Variants in ZNF407 observed in about 807,000 individuals in gnomAD.
ZNF407 encodes zinc finger protein 407.
ZNF407 carries 17 observed loss-of-function variants against 131.2 expected under a neutral mutation model. The observed-to-expected ratio is 0.13, with a 90% CI of 0.09 to 0.19. ZNF407 has a LOEUF of 0.19. Ranked by LOEUF, ZNF407 falls within the 10% of genes least tolerant of loss-of-function variation. The probability of loss-of-function intolerance (pLI) is 1.00; values close to 1 mark genes in which losing one functional copy is unlikely to be tolerated. For missense variants in ZNF407, 2,681 were observed against 2,830.6 expected, an observed-to-expected ratio of 0.95 and a Z score of 1.20; for synonymous variants, 1,156 against 1,062.0, an observed-to-expected ratio of 1.09 and a Z score of -1.72.
At chr18:75,046,609 G>A (rs1031103) in intron 8 of ZNF407, among the ~76,000 whole-genome samples, 116,261 of 152,064 alleles carry the variant, frequency 0.76, 45,606 homozygotes, top group East Asian at 0.9. Flanking sequence ...CACCCGAACC[G>A]AGGGGTCCTG....
chr18:75,005,879 A>G (rs1389767024), intron 8 of ZNF407, among the ~76,000 whole-genome samples: 1 of 151,736 alleles, frequency 6.6e-6, no homozygotes, highest in African/African-American at 2.4e-5. Flanking sequence ...CCTGCAACAA[A>G]CCTCAGACTT....
intron 8 of ZNF407, among the ~76,000 whole-genome samples, chr18:74,997,010 G>A (rs926007100): frequency 6.6e-6 from 1 of 152,138 alleles, no homozygotes; most frequent in Non-Finnish European, 1.5e-5. Flanking sequence ...GTTATTTTGT[G>A]TTACAAATTA....
intron 8 of ZNF407, among the ~76,000 whole-genome samples, chr18:74,977,769 A>G (rs915656058): frequency 6.6e-5 from 10 of 152,256 alleles, no homozygotes; most frequent in African/African-American, 2.4e-4. Context: ...TGTTTGTGCC[A>G]GTATGACTCG....
At position 74,969,669 on chromosome 18, in the gene ZNF407, A is replaced by G. The variant is rs553494294; in HGVS notation, c.5428+48977A>G. Among the ~76,000 whole-genome samples, 8 of 152,304 alleles carry G rather than the reference A, an allele frequency of 5.3e-5. No homozygotes were observed. The South Asian group carries it at 6.2e-4, about 12-fold the overall frequency. ...CCTGGCCACCTTCGTGTCACCTGCA[A>G]GGGGAAGAGGGTCTTGGGCCCTCAA... is the stretch of plus-strand genomic sequence containing the variant. On this transcript the variant is annotated intron_variant, in intron 8 of 8. Coordinates refer to ENST00000299687, the MANE Select transcript of ZNF407 (RefSeq NM_017757.3).
intron 8 of ZNF407, among the ~76,000 whole-genome samples, chr18:75,004,074 C>G (rs1041884191): frequency 6.6e-6 from 1 of 152,116 alleles, no homozygotes; most frequent in Non-Finnish European, 1.5e-5. Context: ...TTTAACCAAC[C>G]CTCTTTCTTG....
intron 8 of ZNF407, among the ~76,000 whole-genome samples, chr18:74,952,627 C>T (rs550071051): frequency 6.6e-6 from 1 of 152,272 alleles, no homozygotes; most frequent in African/African-American, 2.4e-5. Context: ...ATTGTGCATA[C>T]AAGGTTAGGG....
At position 74,635,600 on chromosome 18, in the gene ZNF407, C is replaced by A; in HGVS notation, c.4581C>A (p.Ile1527=). 1 of 1,613,982 alleles carries A rather than the reference C, an allele frequency of 6.2e-7. No homozygotes were observed. Among genetic ancestry groups the A allele is most frequent in the Middle Eastern group, 1.6e-4 (1 of 6,062 alleles). ...NKYIVEDTEQ[I]NREREENQGN... ...ATATAGTGGAAGACACTGAGCAAAT[C>A]AACCGCGAGAGGGAGGAAAACCAGG... The change falls in exon 2 of 9, where the codon ATC becomes ATA. Residue 1527 remains isoleucine, a synonymous_variant. Transcript: ENST00000299687. This position sits in a 1 kb window ranked among gnomAD's most constrained non-coding sequence, Gnocchi z 4.7.
chr18:74,731,134 C>T (rs545160935), intron 3 of ZNF407, among the ~76,000 whole-genome samples: 5 of 152,166 alleles, frequency 3.3e-5, no homozygotes, highest in Non-Finnish European at 7.4e-5. Context: ...TGTAGGCTCT[C>T]CTGTGTTTTT....
At chr18:74,672,399 GTGTT>G (rs771030816) in intron 3 of ZNF407, among the ~76,000 whole-genome samples, 13 of 138,962 alleles carry the variant, frequency 9.4e-5, no homozygotes, top group South Asian at 2.4e-4. Context: ...CATTGGAGCA[GTGTT>G]TGTTTGTTGG....
chr18:75,046,387 A>G (rs2122251681), intron 8 of ZNF407, among the ~76,000 whole-genome samples: 2 of 152,278 alleles, frequency 1.3e-5, no homozygotes, highest in Middle Eastern at 6.8e-3. Context: ...TTTAATCCAC[A>G]TCCTCAGAGG....
At chr18:74,988,437 C>T (rs1972678732) in intron 8 of ZNF407, among the ~76,000 whole-genome samples, 1 of 150,774 alleles carries the variant, frequency 6.6e-6, no homozygotes, top group Non-Finnish European at 1.5e-5. Flanking sequence ...TTTTGCTCTT[C>T]AAAAGATACT....
intron 5 of ZNF407, among the ~76,000 whole-genome samples, chr18:74,877,956 A>G (rs940273545): frequency 6.6e-6 from 1 of 152,228 alleles, no homozygotes; most frequent in Non-Finnish European, 1.5e-5. Context: ...GTTATTAAAA[A>G]TGTTCAAATT....
chr18:75,010,256 G>T (rs921310501), intron 8 of ZNF407, among the ~76,000 whole-genome samples: 1 of 152,150 alleles, frequency 6.6e-6, no homozygotes. Context: ...TTTGCCGAGA[G>T]AAAGGCCAAG....
Position 74,633,075 on chromosome 18 carries a change from C to G in ZNF407, c.2056C>G (p.Pro686Ala). 1 of 1,613,896 alleles carries G rather than the reference C, an allele frequency of 6.2e-7. No individual in the cohort carries two copies. The highest frequency in any genetic ancestry group is 1.6e-4 in the Middle Eastern group (1 of 6,062). ...DDSGKASQEE[P>A]LKSRVSHGNE... ...CTCAGGAAAAGCATCTCAGGAAGAA[C>G]CTCTGAAGTCCAGGGTAAGCCATGG... The change falls in exon 2 of 9, where the codon CCT becomes GCT. Residue 686 changes from proline to alanine, a missense_variant. Pro to Ala is a conservative substitution (Grantham distance 27). This residue lies in a region of ZNF407 where 1,789 missense variants were observed against 1,748.7 expected (regional missense o/e 1.02). Transcript: ENST00000299687.
intron 3 of ZNF407, among the ~76,000 whole-genome samples, chr18:74,744,452 T>C (rs932118266): frequency 7.9e-5 from 12 of 152,164 alleles, no homozygotes; most frequent in African/African-American, 2.9e-4. Flanking sequence ...CATTTTTATT[T>C]TTAAAGCAAC....
In ZNF407 at chr18:74,634,983, G is replaced by A; in HGVS notation, c.3964G>A (p.Glu1322Lys). 5.0e-6 allele frequency: 8 copies of A among 1,614,024 alleles called. No homozygotes were observed. The highest frequency in any genetic ancestry group is 6.8e-6 in the Non-Finnish European group (8 of 1,179,898). ...ACATGAAACAGAATTTATTTTGGAG[G>A]AGGATGGCCCAGCTTCTGATAGCAC... ...SQHETEFILE[E>K]DGPASDSTVE... is the part of the protein sequence containing the mutation. The change falls in exon 2 of 9, where the codon GAG (glutamate) becomes AAG (lysine). Residue 1322 changes from glutamate to lysine, a missense_variant. Glu to Lys is a moderately conservative substitution (Grantham distance 56). This residue lies in a region of ZNF407 where 1,789 missense variants were observed against 1,748.7 expected (regional missense o/e 1.02). Transcript: ENST00000299687.
At chr18:74,878,811 G>GT (rs1201554303) in intron 5 of ZNF407, among the ~76,000 whole-genome samples, 1 of 144,156 alleles carries the variant, frequency 6.9e-6, no homozygotes, top group African/African-American at 2.6e-5. Context: ...TTTACATTTA[G>GT]TTTTTTCTTA....
intron 8 of ZNF407, among the ~76,000 whole-genome samples, chr18:75,056,428 A>G (rs1599315080): frequency 6.6e-6 from 1 of 152,348 alleles, no homozygotes; most frequent in African/African-American, 2.4e-5. Flanking sequence ...ACTGGAATAT[A>G]AAACTAAGAG....
At chr18:74,638,817 T>G (rs1356660278) in intron 2 of ZNF407, among the ~76,000 whole-genome samples, 2 of 152,200 alleles carry the variant, frequency 1.3e-5, no homozygotes, top group Admixed American at 6.5e-5. Flanking sequence ...ATTTTACAAT[T>G]TTGTCTTATA....
Sources: gnomAD v4.1 joint callset for allele counts (sites outside exome capture counted in the v4.1 genomes callset) on GRCh38, gnomAD v4.1.1 for gene constraint, gnomAD v4.1.1 regional missense constraint, Gnocchi (gnomAD v3.1) non-coding constraint, MANE v1.5 for transcripts, NCBI Gene and HGNC (gene_info 2026-07-23, HGNC 2026-07-21) for gene names.